ALOXE3: variants seen among roughly 807,000 people sequenced by gnomAD.
The protein encoded by ALOXE3 is hydroperoxide isomerase ALOXE3.
Under a neutral mutation model 87.5 loss-of-function variants are expected in ALOXE3, and 78 were observed. The observed-to-expected ratio is 0.89, with a 90% CI of 0.74 to 1.08. The LOEUF is 1.08. ALOXE3 is among the 50% of genes least tolerant of loss of function. The pLI is 0.00. For synonymous variants in ALOXE3, 363 were observed against 370.8 expected, an observed-to-expected ratio of 0.98 and a Z score of 0.24; for missense variants, 946 against 912.4, an observed-to-expected ratio of 1.04 and a Z score of -0.47.
chr17:8,109,338 C>T lies in ALOXE3; in HGVS notation c.1398G>A (p.Thr466=), dbSNP rs1430071352. 6.2e-7 allele frequency: 1 copy of T among 1,613,738 alleles called. No homozygotes were observed. The change falls in exon 12 of 16, where the codon ACG becomes ACA. Residue 466 remains threonine, a synonymous_variant. Transcript: ENST00000448843. ...LNPEGLVDQV[T]SIGRQGLIYL... is the part of the protein sequence containing the mutation. ...AGATGAGGCCTTGCCTCCCGATGGA[C>T]GTGACCTGAGGACACAGCACAGCTC...
At chr17:8,112,838 C>T (rs1443941994) in intron 6 of ALOXE3, among the ~76,000 whole-genome samples, 1 of 152,094 alleles carries the variant, frequency 6.6e-6, no homozygotes, top group Non-Finnish European at 1.5e-5. Flanking sequence ...GGCTGGAGTG[C>T]AGTGGCTGTT....
chr17:8,099,887 T>A (rs1428236374), intron 15 of ALOXE3, among the ~76,000 whole-genome samples: 1 of 151,966 alleles, frequency 6.6e-6, no homozygotes, highest in Non-Finnish European at 1.5e-5. Flanking sequence ...CTGGGCAATA[T>A]AACAAGACCC....
chr17:8,104,271 G>T, intron 13 of ALOXE3, 56 bp from the exon 14 acceptor site: 2 of 1,358,730 alleles, frequency 1.5e-6, no homozygotes, highest in Non-Finnish European at 2.1e-6. Flanking sequence ...GATTCCTAGG[G>T]CCAGCTCAGG....
Position 8,116,872 on chromosome 17 carries a change from G to C in ALOXE3, c.256C>G (p.Arg86Gly), listed in dbSNP as rs911371858. ...CCATCCGGTTCGGTGACACAGATGC[G>C]GCTACAGTACCAAGAGTCCTTGCGG... ...FFRKDSWYCS[R>G]ICVTEPDGSV... The change falls in exon 3 of 16, where the codon CGC becomes GGC. Residue 86 changes from arginine (R) to glycine (G), a missense_variant. Arg to Gly is a moderately radical substitution (Grantham distance 125). Transcript: ENST00000448843. The C allele has an allele frequency of 2.5e-6, 4 of 1,614,116 alleles. No homozygotes were observed. Among genetic ancestry groups the C allele is most frequent in the Admixed American group, 3.3e-5 (2 of 60,008 alleles).
At chr17:8,110,620 T>C in intron 8 of ALOXE3, 92 bp from the exon 9 acceptor site, 1 of 1,567,452 alleles carries the variant, frequency 6.4e-7, no homozygotes, top group Non-Finnish European at 8.7e-7. Flanking sequence ...AGAGAGGAGC[T>C]GAGGCCCCCA....
intron 3 of ALOXE3, among the ~76,000 whole-genome samples, chr17:8,116,183 T>C (rs1225660149): frequency 6.6e-6 from 1 of 152,198 alleles, no homozygotes; most frequent in African/African-American, 2.4e-5. Flanking sequence ...ATATCCCTCC[T>C]TCATCCTGAG....
At chr17:8,107,865 GAAA>G (rs1362747511) in intron 13 of ALOXE3, among the ~76,000 whole-genome samples, 171 of 3,018 alleles carry the variant, frequency 0.057, 52 homozygotes, top group Admixed American at 0.13. Context: ...AAGAAAGAAA[GAAA>G]GAAAGAAAGA....
chr17:8,096,975 G>GC (rs907922364), intron 15 of ALOXE3, among the ~76,000 whole-genome samples, 169 bp from the exon 16 acceptor site: 11 of 152,072 alleles, frequency 7.2e-5, no homozygotes, highest in Non-Finnish European at 1.3e-4. Flanking sequence ...CTGACACGAG[G>GC]CCCCCCAGCA....
chr17:8,110,368 G>A lies in ALOXE3; in HGVS notation c.1101+17C>T. On this transcript the variant is annotated intron_variant, in intron 9 of 15. Coordinates refer to ENST00000448843, the MANE Select transcript of ALOXE3 (RefSeq NM_021628.3). ...AGCACCTGAGCCCCCATCCCGGGGC[G>A]GCGGCGCCGGGCTCACCTGGATGGC... 5.0e-6 allele frequency: 8 copies of A among 1,603,798 alleles called. No individual in the cohort carries two copies. The highest frequency in any genetic ancestry group is 5.1e-6 in the Non-Finnish European group (6 of 1,173,560).
chr17:8,104,345 G>C (rs1189865085), intron 13 of ALOXE3, 130 bp from the exon 14 acceptor site: 10 of 703,422 alleles, frequency 1.4e-5, no homozygotes, highest in Non-Finnish European at 1.3e-5. Context: ...CTGTCTTGTC[G>C]GGCTGGTTAG....
chr17:8,118,760 T>C, upstream of ALOXE3: 1 of 1,537,306 alleles, frequency 6.5e-7, no homozygotes, highest in Non-Finnish European at 8.7e-7. Flanking sequence ...AAACAGGGTC[T>C]GAATGCCCCG....
At chr17:8,116,501 T>C (rs1196735524) in intron 3 of ALOXE3, among the ~76,000 whole-genome samples, 1 of 152,180 alleles carries the variant, frequency 6.6e-6, no homozygotes, top group East Asian at 1.9e-4. Flanking sequence ...AGAGGGAGGC[T>C]GTGGAAAGCA....
At chr17:8,114,673 C>T (rs921918716) in intron 5 of ALOXE3, 64 bp from the exon 6 acceptor site, 15 of 1,604,940 alleles carry the variant, frequency 9.3e-6, no homozygotes, top group Non-Finnish European at 1.3e-5. Flanking sequence ...AGCTGCTCAA[C>T]TCCTTCCCTC....
chr17:8,110,873 G>T (rs1980015652), intron 8 of ALOXE3, among the ~76,000 whole-genome samples: 1 of 152,178 alleles, frequency 6.6e-6, no homozygotes, highest in African/African-American at 2.4e-5. Flanking sequence ...GAACACATGA[G>T]AACTGACCAA....
Position 8,118,058 on chromosome 17 carries a change from C to T in ALOXE3, c.-68G>A, listed in dbSNP as rs780445247. ...CAGCAGCCGGCCTGGAGGAGAAGAG[C>T]GGCACGCCGGACAGGGCTGGGTTTC... On this transcript the variant is annotated 5_prime_UTR_variant, in exon 2 of 16. Transcript: ENST00000448843. 5.7e-6 allele frequency: 9 copies of T among 1,583,506 alleles called. No homozygotes were observed. The African/African-American group carries it at 1.1e-4, about 19-fold the overall frequency.
intron 13 of ALOXE3, among the ~76,000 whole-genome samples, chr17:8,104,434 C>G (rs1266121554): frequency 6.6e-6 from 1 of 152,114 alleles, no homozygotes; most frequent in African/African-American, 2.4e-5. Context: ...CCAGAAAATC[C>G]CCGGCAGGCA....
In ALOXE3 at chr17:8,118,307, C is replaced by A. The variant is rs1048385489; in HGVS notation, c.-313-4G>T. ...GATATCAGGAGCCTGGGTTCCACTG[C>A]GGAGGGAGGGATCAGATGCTGAGAT... On this transcript the variant is annotated splice_polypyrimidine_tract_variant and splice_region_variant and intron_variant, in intron 1 of 15. Transcript: ENST00000448843. The A allele has an allele frequency of 1.3e-6, 2 of 1,551,614 alleles. No individual in the cohort carries two copies. Among genetic ancestry groups the A allele is most frequent in the Non-Finnish European group, 1.7e-6 (2 of 1,147,028 alleles).
In ALOXE3 at chr17:8,114,996, C is replaced by G; in HGVS notation, c.496G>C (p.Glu166Gln). 6.2e-7 allele frequency: 1 copy of G among 1,614,126 alleles called. No homozygotes were observed. The highest frequency in any genetic ancestry group is 8.5e-7 in the Non-Finnish European group (1 of 1,179,998). Residue 166 changes from glutamate (E) to glutamine (Q), a missense_variant, in exon 5 of 16, where the codon GAG becomes CAG. By Grantham distance (29) the Glu-to-Gln change is conservative. Coordinates refer to ENST00000448843, the MANE Select transcript of ALOXE3 (RefSeq NM_021628.3). ...GTCAAGGCAAATTTCTTGTCTGACTCCATCTCCTGAAAGCTGTTGACGTCT... is the reference window on the plus strand; with the variant it reads ...GTCAAGGCAAATTTCTTGTCTGACTGCATCTCCTGAAAGCTGTTGACGTCT... ...MVDVNSFQEM[E>Q]SDKKFALTKT...
chr17:8,098,823 G>A (rs1166417331), intron 15 of ALOXE3, among the ~76,000 whole-genome samples: 1 of 151,698 alleles, frequency 6.6e-6, no homozygotes, highest in Non-Finnish European at 1.5e-5. Context: ...TAAGATTGTT[G>A]TAGCTAAGTG....
Sources: allele counts gnomAD v4.1 joint callset (sites outside exome capture counted in the v4.1 genomes callset), GRCh38; gene constraint gnomAD v4.1.1; transcripts MANE v1.5; gene names NCBI Gene and HGNC (gene_info 2026-07-23, HGNC 2026-07-21).